The following RUNDC3B variants were observed in gnomAD, a reference collection of about 807,000 sequenced individuals.
The protein encoded by RUNDC3B is RUN domain-containing protein 3B.
A neutral mutation model predicts 58.4 loss-of-function variants in RUNDC3B; 33 were observed. That is an observed-to-expected ratio of 0.56 (90% confidence interval 0.43 to 0.75). The LOEUF is 0.75. Ranked by LOEUF, RUNDC3B falls within the 30% of genes least tolerant of loss-of-function variation. The probability of loss-of-function intolerance (pLI) is 0.00; values close to 1 mark genes in which losing one functional copy is unlikely to be tolerated. For synonymous variants in RUNDC3B, 193 were observed against 195.2 expected, an observed-to-expected ratio of 0.99 and a Z score of 0.10; for missense variants, 501 against 535.7, an observed-to-expected ratio of 0.94 and a Z score of 0.64.
At chr7:87,763,585 C>T (rs1049127164) in intron 6 of RUNDC3B, among the ~76,000 whole-genome samples, 2 of 151,630 alleles carry the variant, frequency 1.3e-5, no homozygotes, top group African/African-American at 4.8e-5. Flanking sequence ...ATAAATATTA[C>T]ACTTTTTTCT....
At chr7:87,661,675 C>G (rs761478365) in intron 2 of RUNDC3B, among the ~76,000 whole-genome samples, 3 of 151,650 alleles carry the variant, frequency 2.0e-5, no homozygotes, top group Non-Finnish European at 4.4e-5. Flanking sequence ...CTGTTTCTTC[C>G]AAGTCTTGGC....
chr7:87,780,961 C>T (rs1022308104), intron 8 of RUNDC3B, among the ~76,000 whole-genome samples: 1 of 151,950 alleles, frequency 6.6e-6, no homozygotes, highest in African/African-American at 2.4e-5. Context: ...ATTGATTTGG[C>T]TATTTTGGTT....
chr7:87,832,295 T>C lies in RUNDC3B; in HGVS notation c.*2265T>C, dbSNP rs996787490. Reference sequence around the variant, plus strand: ...CATGTATATTAAAAATTTTGTACTATGCATTGGTGGTCTTATTTTGCTTGA... The same window carrying C: ...CATGTATATTAAAAATTTTGTACTACGCATTGGTGGTCTTATTTTGCTTGA... On this transcript the variant is annotated 3_prime_UTR_variant, in exon 11 of 11. Coordinates refer to ENST00000394654, the MANE Select transcript of RUNDC3B (RefSeq NM_001134405.2). 7 of 152,080 alleles carry C rather than the reference T, an allele frequency of 4.6e-5. No individual in the cohort carries two copies. Among genetic ancestry groups the C allele is most frequent in the Middle Eastern group, 3.4e-3 (1 of 294 alleles). The allele number at this position is 152,080 out of a possible 1,614,324, so 9.4% of individuals were successfully genotyped here. A position where few individuals can be genotyped will look rare whatever the true frequency, so the allele number is the denominator to read the frequency against.
At chr7:87,657,863 C>G (rs1188985679) in intron 2 of RUNDC3B, among the ~76,000 whole-genome samples, 1 of 152,166 alleles carries the variant, frequency 6.6e-6, no homozygotes, top group African/African-American at 2.4e-5. Context: ...ACTTGAACTT[C>G]ATCCTCCACT....
At chr7:87,697,368 T>G (rs1175065704) in intron 2 of RUNDC3B, among the ~76,000 whole-genome samples, 1 of 152,214 alleles carries the variant, frequency 6.6e-6, no homozygotes, top group Non-Finnish European at 1.5e-5. Flanking sequence ...TGTGTAGTAC[T>G]TCATTTCTTG....
At chr7:87,671,134 G>T (rs937556220) in intron 2 of RUNDC3B, among the ~76,000 whole-genome samples, 4 of 152,104 alleles carry the variant, frequency 2.6e-5, no homozygotes, top group African/African-American at 9.7e-5. Context: ...TCTGTACTGT[G>T]GCCCCAGGCC....
chr7:87,672,469 T>G (rs1466816608), intron 2 of RUNDC3B, among the ~76,000 whole-genome samples: 1 of 152,092 alleles, frequency 6.6e-6, no homozygotes, highest in Non-Finnish European at 1.5e-5. Flanking sequence ...GGTCTTATCT[T>G]GTGGGGTGCC....
At chr7:87,655,753 A>C (rs975315519) in intron 2 of RUNDC3B, among the ~76,000 whole-genome samples, 1 of 152,094 alleles carries the variant, frequency 6.6e-6, no homozygotes, top group Non-Finnish European at 1.5e-5. Context: ...CTGTGGTTTA[A>C]ATGTGTCCCC....
intron 9 of RUNDC3B, among the ~76,000 whole-genome samples, chr7:87,812,486 A>G (rs1247227605): frequency 6.6e-6 from 1 of 152,148 alleles, no homozygotes; most frequent in African/African-American, 2.4e-5. Flanking sequence ...GCTGACACCT[A>G]TAATCTCAGC....
At chr7:87,729,255 C>T (rs902521437) in intron 4 of RUNDC3B, among the ~76,000 whole-genome samples, 17 of 152,042 alleles carry the variant, frequency 1.1e-4, no homozygotes, top group Non-Finnish European at 1.5e-5. Context: ...AAAAAAAACA[C>T]CTCCAGAAGA....
intron 3 of RUNDC3B, among the ~76,000 whole-genome samples, chr7:87,708,798 A>C (rs1829824686): frequency 1.3e-5 from 2 of 152,156 alleles, no homozygotes; most frequent in African/African-American, 4.8e-5. Context: ...TTGTGCATAA[A>C]GTAGGGATAG....
In RUNDC3B at chr7:87,801,951, T is replaced by A. The variant is rs542435952; in HGVS notation, c.957-5422T>A. 1.1e-4 allele frequency among the ~76,000 whole-genome samples: 17 copies of A among 152,278 alleles called. No homozygotes were observed. The East Asian group carries it at 3.3e-3, about 29-fold the overall frequency. ...AGTAAATAACTGCATTTTTGCTGAA[T>A]TTTTTTCAAAAACAATGAGAAAATA... On this transcript the variant is annotated intron_variant, in intron 8 of 10. Coordinates refer to ENST00000394654, the MANE Select transcript of RUNDC3B (RefSeq NM_001134405.2).
rs1161453387 is a variant in RUNDC3B at position 87,693,437 on chromosome 7, A to G, written c.239-6984A>G. Reference sequence around the variant, plus strand: ...GTTTATAACTTTTAGAAAAGTTAACATTTAAAAATGTGTATTTATTTTTAA... The same window carrying G: ...GTTTATAACTTTTAGAAAAGTTAACGTTTAAAAATGTGTATTTATTTTTAA... On this transcript the variant is annotated intron_variant, in intron 2 of 10. Coordinates refer to ENST00000394654, the MANE Select transcript of RUNDC3B (RefSeq NM_001134405.2). 1.4e-3 allele frequency among the ~76,000 whole-genome samples: 206 copies of G among 152,218 alleles called. 3 individuals are homozygous for G. Among genetic ancestry groups the G allele is most frequent in the Non-Finnish European group, 1.2e-4 (8 of 68,034 alleles).
chr7:87,716,436 G>T (rs1019741532), intron 4 of RUNDC3B, among the ~76,000 whole-genome samples: 6 of 152,142 alleles, frequency 3.9e-5, no homozygotes, highest in African/African-American at 7.2e-5. Flanking sequence ...GAACCTCTTG[G>T]GACCTGTAGG....
intron 1 of RUNDC3B, among the ~76,000 whole-genome samples, chr7:87,634,178 A>G (rs981052394): frequency 2.6e-5 from 4 of 152,312 alleles, no homozygotes; most frequent in African/African-American, 7.2e-5. Flanking sequence ...GTACCAAGCC[A>G]TTCATGAAGT....
intron 1 of RUNDC3B, among the ~76,000 whole-genome samples, chr7:87,647,821 T>G (rs1364103120): frequency 6.6e-6 from 1 of 152,136 alleles, no homozygotes; most frequent in Non-Finnish European, 1.5e-5. Context: ...TTTGTCCCTA[T>G]GCATCTGAAA....
At chr7:87,670,507 G>T (rs1825713600) in intron 2 of RUNDC3B, among the ~76,000 whole-genome samples, 1 of 152,164 alleles carries the variant, frequency 6.6e-6, no homozygotes, top group African/African-American at 2.4e-5. Context: ...AAAAACTCTT[G>T]TTGGGGAATG....
chr7:87,638,597 C>T (rs1822083032), intron 1 of RUNDC3B, among the ~76,000 whole-genome samples: 2 of 151,378 alleles, frequency 1.3e-5, no homozygotes, highest in South Asian at 4.2e-4. Flanking sequence ...ATACCTATTT[C>T]ATTTATATTG....
chr7:87,740,311 C>G (rs1832242220), intron 5 of RUNDC3B, among the ~76,000 whole-genome samples: 1 of 151,552 alleles, frequency 6.6e-6, no homozygotes, highest in South Asian at 2.1e-4. Flanking sequence ...TATCTTACGT[C>G]TCTTATGTTA....
Sources: allele counts gnomAD v4.1 joint callset (sites outside exome capture counted in the v4.1 genomes callset), GRCh38; gene constraint gnomAD v4.1.1; transcripts MANE v1.5; gene names NCBI Gene and HGNC (gene_info 2026-07-23, HGNC 2026-07-21).